SDK1: variants seen among roughly 807,000 people sequenced by gnomAD.
The protein encoded by SDK1 is protein sidekick-1.
Under a neutral mutation model 245.5 loss-of-function variants are expected in SDK1, and 157 were observed. That is an observed-to-expected ratio of 0.64 (90% confidence interval 0.56 to 0.73). The LOEUF is 0.73. Among genes scored for constraint, SDK1 ranks in the 30% least tolerant of loss-of-function variants. The pLI is 0.00. For synonymous variants in SDK1, 1,647 were observed against 1,278.5 expected, an observed-to-expected ratio of 1.29 and a Z score of -6.15; for missense variants, 3,583 against 3,002.3, an observed-to-expected ratio of 1.19 and a Z score of -4.52.
intron 4 of SDK1, among the ~76,000 whole-genome samples, chr7:3,646,748 T>G (rs1782851259): frequency 1.3e-5 from 2 of 152,206 alleles, no homozygotes; most frequent in African/African-American, 4.8e-5. Flanking sequence ...TGGATTAACC[T>G]GGGTTTGCAT....
intron 32 of SDK1, among the ~76,000 whole-genome samples, chr7:4,173,152 C>A (rs984162251): frequency 1.3e-5 from 2 of 152,224 alleles, no homozygotes; most frequent in Non-Finnish European, 2.9e-5. Context: ...CGTCCTCTGA[C>A]GAGGCTTCGT....
At chr7:3,380,810 T>C (rs1781468517) in intron 1 of SDK1, among the ~76,000 whole-genome samples, 1 of 152,174 alleles carries the variant, frequency 6.6e-6, no homozygotes, top group Non-Finnish European at 1.5e-5. Flanking sequence ...AGTTGGCTTG[T>C]CCTTTTTATT....
In SDK1 at chr7:4,110,758, C is replaced by G; in HGVS notation, c.3420C>G (p.Pro1140=). ...AQMLEIPNLT[P]YTHYRFRMKQ... The stretch of plus-strand genomic sequence containing the variant: ...TGCTGGAGATCCCAAACCTCACACC[C>G]TACACTCACTACAGGTGAGAACAGC... Residue 1140 remains proline, a synonymous_variant, in exon 23 of 45, where the codon CCC becomes CCG. Coordinates refer to ENST00000404826, the MANE Select transcript of SDK1 (RefSeq NM_152744.4). 6.2e-7 allele frequency: 1 copy of G among 1,609,246 alleles called. No homozygotes were observed. The highest frequency in any genetic ancestry group is 2.2e-5 in the East Asian group (1 of 44,860).
chr7:3,366,429 C>T (rs1339082444), intron 1 of SDK1, among the ~76,000 whole-genome samples: 2 of 151,908 alleles, frequency 1.3e-5, no homozygotes, highest in Non-Finnish European at 2.9e-5. Context: ...CTCCTTTTTA[C>T]AGTTACATTA....
chr7:3,464,698 G>GTATA (rs141577885), intron 1 of SDK1, among the ~76,000 whole-genome samples: 1,682 of 148,032 alleles, frequency 0.011, 21 homozygotes, highest in African/African-American at 0.031. Context: ...GTGTATGTAT[G>GTATA]TATATATATA....
intron 40 of SDK1, chr7:4,227,432 C>T (rs1179843562): frequency 1.7e-5 from 8 of 470,902 alleles, no homozygotes; most frequent in Admixed American, 1.6e-4. Flanking sequence ...AGGTAACTGT[C>T]TTTTTTTTAA....
chr7:3,772,291 A>G (rs1318531037), intron 4 of SDK1, among the ~76,000 whole-genome samples: 9 of 151,176 alleles, frequency 6.0e-5, no homozygotes, highest in South Asian at 2.1e-4. Context: ...TGTAGTTACT[A>G]TGCAGATGAC....
At chr7:3,612,799 G>T (rs896087572) in intron 1 of SDK1, among the ~76,000 whole-genome samples, 3 of 152,014 alleles carry the variant, frequency 2.0e-5, no homozygotes, top group African/African-American at 4.8e-5. Context: ...TGGCATTCTG[G>T]TCCTCCCGGC....
At chr7:4,248,142 T>G (rs1787016032) in intron 44 of SDK1, among the ~76,000 whole-genome samples, 1 of 152,100 alleles carries the variant, frequency 6.6e-6, no homozygotes, top group Non-Finnish European at 1.5e-5. Flanking sequence ...GCATATACAT[T>G]CACGTATGCA....
chr7:3,905,179 A>T (rs1408023014), intron 5 of SDK1, among the ~76,000 whole-genome samples: 1 of 151,268 alleles, frequency 6.6e-6, no homozygotes, highest in Non-Finnish European at 1.5e-5. Flanking sequence ...TAACTTCACC[A>T]TTTTTTTTAT....
intron 4 of SDK1, among the ~76,000 whole-genome samples, chr7:3,648,743 A>G (rs958952292): frequency 1.3e-5 from 2 of 152,212 alleles, no homozygotes; most frequent in African/African-American, 2.4e-5. Context: ...TTTTATAGGC[A>G]TTTTGTGAAT....
At chr7:3,319,583 T>C (rs1463641653) in intron 1 of SDK1, among the ~76,000 whole-genome samples, 1 of 152,154 alleles carries the variant, frequency 6.6e-6, no homozygotes, top group African/African-American at 2.4e-5. Flanking sequence ...ATGTACTCTT[T>C]GATAATCTTA....
intron 1 of SDK1, among the ~76,000 whole-genome samples, chr7:3,616,915 G>A (rs568213714): frequency 6.6e-6 from 1 of 152,240 alleles, no homozygotes; most frequent in Non-Finnish European, 1.5e-5. Context: ...ATGACTTCTT[G>A]AAAAGAAATT....
intron 22 of SDK1, among the ~76,000 whole-genome samples, chr7:4,088,005 C>T (rs1390069428): frequency 6.6e-6 from 1 of 152,200 alleles, no homozygotes; most frequent in Non-Finnish European, 1.5e-5. Flanking sequence ...GCTTTCACAA[C>T]TATGAACACG....
intron 1 of SDK1, among the ~76,000 whole-genome samples, chr7:3,562,937 C>G (rs531164847): frequency 1.8e-5 from 2 of 112,788 alleles, no homozygotes; most frequent in East Asian, 2.6e-4. Context: ...TAAGGGGGAT[C>G]AAGTCCCCTG....
At chr7:3,913,595 G>C (rs13437648) in intron 5 of SDK1, among the ~76,000 whole-genome samples, 24,255 of 151,864 alleles carry the variant, frequency 0.16, 6,196 homozygotes, top group African/African-American at 0.54. Flanking sequence ...GCCCGGCCCT[G>C]TTACACTTAT....
chr7:3,765,415 T>G (rs912922491), intron 4 of SDK1, among the ~76,000 whole-genome samples: 2 of 152,224 alleles, frequency 1.3e-5, no homozygotes, highest in African/African-American at 2.4e-5. Flanking sequence ...GAATCTCACA[T>G]GCAAGGAAAC....
chr7:4,004,306 G>A (rs932735656), intron 14 of SDK1, among the ~76,000 whole-genome samples: 7 of 152,280 alleles, frequency 4.6e-5, no homozygotes, highest in African/African-American at 1.2e-4. Flanking sequence ...TTATATTTCA[G>A]GAGATTCAAC....
At chr7:3,999,824 C>T (rs981495425) in intron 14 of SDK1, among the ~76,000 whole-genome samples, 1 of 152,192 alleles carries the variant, frequency 6.6e-6, no homozygotes, top group Non-Finnish European at 1.5e-5. Context: ...GAGTTCTTAT[C>T]TCCCCCCACC....
Sources: gnomAD v4.1 joint callset for allele counts (sites outside exome capture counted in the v4.1 genomes callset) on GRCh38, gnomAD v4.1.1 for gene constraint, MANE v1.5 for transcripts, NCBI Gene and HGNC (gene_info 2026-07-23, HGNC 2026-07-21) for gene names.